The following ALPK1 variants were observed in gnomAD, a reference collection of about 807,000 sequenced individuals.
The protein encoded by ALPK1 is alpha kinase 1.
ALPK1 carries 110 observed loss-of-function variants against 120.6 expected under a neutral mutation model. The ratio of observed to expected loss-of-function variants is 0.91; its 90% CI spans 0.78 to 1.07. ALPK1 has a LOEUF of 1.07. Ranked by LOEUF, ALPK1 falls within the 50% of genes least tolerant of loss-of-function variation. The pLI is 0.00. For synonymous variants in ALPK1, 582 were observed against 560.3 expected (o/e 1.04, Z -0.55); for missense variants, 1,498 against 1,483.9 (o/e 1.01, Z -0.16).
chr4:112,436,684 C>G (rs1734803596), intron 12 of ALPK1, among the ~76,000 whole-genome samples: 1 of 152,206 alleles, frequency 6.6e-6, no homozygotes, highest in Admixed American at 6.5e-5. Context: ...TTCCTTAGAG[C>G]CTTCAGCAGG....
At chr4:112,331,105 G>A (rs1011798350) in intron 2 of ALPK1, among the ~76,000 whole-genome samples, 3 of 152,176 alleles carry the variant, frequency 2.0e-5, no homozygotes, top group Non-Finnish European at 2.9e-5. Context: ...TGGTGTGGTA[G>A]CCAGATTTGC....
intron 4 of ALPK1, among the ~76,000 whole-genome samples, chr4:112,391,516 T>C (rs535319533): frequency 1.3e-5 from 2 of 152,310 alleles, no homozygotes; most frequent in East Asian, 3.9e-4. Context: ...AATAAAGTTA[T>C]TGTAGATGGA....
intron 1 of ALPK1, among the ~76,000 whole-genome samples, chr4:112,308,541 G>A (rs548802520): frequency 1.6e-4 from 25 of 151,992 alleles, no homozygotes; most frequent in Non-Finnish European, 2.9e-4. Flanking sequence ...TGATCGAATC[G>A]GCTACTGAAA....
At position 112,427,575 on chromosome 4, in the gene ALPK1, C is replaced by G; in HGVS notation, c.705C>G (p.Leu235=). ...TCTTTGTGTTTTTCTTACAGGGCCT[C>G]TCCACGTCGCTAGGTATACTGGCAG... ...LALPQPDKKG[L]STSLGILADI... is the part of the protein sequence containing the mutation. The change falls in exon 9 of 16, where the codon CTC becomes CTG. Residue 235 remains leucine, a synonymous_variant. Transcript: ENST00000650871. 1 of 1,613,628 alleles carries G rather than the reference C, an allele frequency of 6.2e-7. No individual in the cohort carries two copies. The highest frequency in any genetic ancestry group is 1.1e-5 in the South Asian group (1 of 91,050).
intron 1 of ALPK1, among the ~76,000 whole-genome samples, chr4:112,299,662 T>G (rs1292792690): frequency 6.6e-6 from 1 of 152,184 alleles, no homozygotes; most frequent in Non-Finnish European, 1.5e-5. Context: ...TGGGCCTTGG[T>G]TACAGAGCTC....
intron 2 of ALPK1, among the ~76,000 whole-genome samples, chr4:112,366,151 A>AG (rs1297311244): frequency 6.6e-6 from 1 of 152,190 alleles, no homozygotes; most frequent in African/African-American, 2.4e-5. Flanking sequence ...GCTCAGGCAA[A>AG]GACTTCTTGA....
chr4:112,308,167 G>A (rs1316811674), intron 1 of ALPK1, among the ~76,000 whole-genome samples: 7 of 152,008 alleles, frequency 4.6e-5, no homozygotes, highest in Non-Finnish European at 7.4e-5. Context: ...CTTTCTCTCT[G>A]GCCGCCCTTA....
chr4:112,320,615 G>C (rs985662586), intron 2 of ALPK1, among the ~76,000 whole-genome samples: 1 of 152,062 alleles, frequency 6.6e-6, no homozygotes, highest in Non-Finnish European at 1.5e-5. Flanking sequence ...AATAGGATTG[G>C]TACCATTCTT....
At chr4:112,425,847 T>C (rs1560682674) in intron 7 of ALPK1, 96 bp downstream of exon 7, 4 of 1,001,978 alleles carry the variant, frequency 4.0e-6, no homozygotes, top group Non-Finnish European at 6.0e-6. Flanking sequence ...CAGGCTAAAA[T>C]TGTTAATTTC....
chr4:112,336,361 G>A (rs1207613333), intron 2 of ALPK1, among the ~76,000 whole-genome samples: 2 of 152,112 alleles, frequency 1.3e-5, no homozygotes, highest in Non-Finnish European at 2.9e-5. Flanking sequence ...TAAATCCAGG[G>A]AAGACAGACC....
intron 8 of ALPK1, 89 bp downstream of exon 8, chr4:112,426,632 C>A: frequency 9.2e-7 from 1 of 1,085,100 alleles, no homozygotes; most frequent in Non-Finnish European, 1.3e-6. Flanking sequence ...TCTCATATAT[C>A]AATTTCATCT....
At chr4:112,377,645 G>A in intron 2 of ALPK1, 33 bp from the exon 3 acceptor site, 1 of 847,668 alleles carries the variant, frequency 1.2e-6, no homozygotes, top group African/African-American at 1.7e-5. Flanking sequence ...TGATGCTTCA[G>A]TTAATCATCT....
intron 1 of ALPK1, among the ~76,000 whole-genome samples, chr4:112,305,517 G>A (rs1378765477): frequency 6.6e-6 from 1 of 152,070 alleles, no homozygotes; most frequent in Non-Finnish European, 1.5e-5. Context: ...AAGCAATTGT[G>A]AATGGAAGTT....
rs922204353 is a variant in ALPK1, at chr4:112,441,452, G to A, written c.*242G>A. 5.3e-6 allele frequency: 3 copies of A among 570,740 alleles called. No individual in the cohort carries two copies. The African/African-American group carries it at 5.6e-5, about 11-fold the overall frequency. 35.4% of individuals were successfully genotyped at this position (570,740 alleles called of 1,614,324 possible). A position where few individuals can be genotyped will look rare whatever the true frequency, so the allele number is the denominator to read the frequency against. On this transcript the variant is annotated 3_prime_UTR_variant, in exon 16 of 16. Transcript: ENST00000650871. ...AAAACAGCCCCAACTCACCCATGAGGGATGAAAAGCACTCTTGAGAAAGGC... is the reference window on the plus strand; with the variant it reads ...AAAACAGCCCCAACTCACCCATGAGAGATGAAAAGCACTCTTGAGAAAGGC...
At chr4:112,303,737 T>C (rs1465229563) in intron 1 of ALPK1, among the ~76,000 whole-genome samples, 1 of 152,022 alleles carries the variant, frequency 6.6e-6, no homozygotes, top group Non-Finnish European at 1.5e-5. Flanking sequence ...TAATCATACT[T>C]TAAGTTCTAG....
Position 112,358,466 on chromosome 4 carries a change from G to A in ALPK1, c.-100-19212G>A, listed in dbSNP as rs118054581. ...CTCCACCAGGAAAGCTAAGAGTCTCGACCTGCACGTCCTTAGCCTGAAGCA... is the reference window on the plus strand; with the variant it reads ...CTCCACCAGGAAAGCTAAGAGTCTCAACCTGCACGTCCTTAGCCTGAAGCA... On this transcript the variant is annotated intron_variant, in intron 2 of 15. Coordinates refer to ENST00000650871, the MANE Select transcript of ALPK1 (RefSeq NM_025144.4). 4,446 of 663,258 alleles carry A rather than the reference G, an allele frequency of 6.7e-3. 148 individuals carry two copies. Among genetic ancestry groups the A allele is most frequent in the East Asian group, 0.065 (2,549 of 39,396 alleles). The allele number at this position is 663,258 out of a possible 1,614,324, so 41.1% of individuals were successfully genotyped here.
chr4:112,377,205 G>T (rs528540891), intron 2 of ALPK1, among the ~76,000 whole-genome samples: 9 of 152,202 alleles, frequency 5.9e-5, no homozygotes, highest in African/African-American at 2.2e-4. Flanking sequence ...GCCTATCTTG[G>T]TCCAAATTAT....
At chr4:112,370,592 C>T (rs1489398851) in intron 2 of ALPK1, among the ~76,000 whole-genome samples, 1 of 152,102 alleles carries the variant, frequency 6.6e-6, no homozygotes, top group Non-Finnish European at 1.5e-5. Flanking sequence ...TGAAGTTGAC[C>T]AAAATTTCCA....
intron 2 of ALPK1, among the ~76,000 whole-genome samples, chr4:112,343,756 T>TC (rs1225360351): frequency 5.0e-5 from 3 of 60,290 alleles, no homozygotes; most frequent in Non-Finnish European, 9.5e-5. Flanking sequence ...CCCCCCCTTC[T>TC]CCCCCCTACC....
Sources: allele counts gnomAD v4.1 joint callset (sites outside exome capture counted in the v4.1 genomes callset), GRCh38; gene constraint gnomAD v4.1.1; transcripts MANE v1.5; gene names NCBI Gene and HGNC (gene_info 2026-07-23, HGNC 2026-07-21).